GNG2: variants seen among roughly 807,000 people sequenced by gnomAD.
GNG2 encodes G protein subunit gamma 2, also known as guanine nucleotide-binding protein G(I)/G(S)/G(O) subunit gamma-2.
In GNG2, 5 loss-of-function variants were observed where a neutral mutation model predicts 5.5. That is an observed-to-expected ratio of 0.91 (90% CI 0.48 to 1.92). The LOEUF is 1.92. GNG2 is among the 30% of genes most tolerant of loss of function. The pLI is 0.01. For missense variants in GNG2, 55 were observed against 88.4 expected (o/e 0.62, Z 1.52); for synonymous variants, 28 against 32.0 (o/e 0.88, Z 0.42).
intron 2 of GNG2, among the ~76,000 whole-genome samples, chr14:51,941,562 C>T (rs1888319960): frequency 1.3e-5 from 2 of 152,122 alleles, no homozygotes; most frequent in Non-Finnish European, 2.9e-5. Flanking sequence ...CTGGATGCCA[C>T]CCTTGAAAAA....
At chr14:51,919,282 C>T (rs535603544) in intron 2 of GNG2, among the ~76,000 whole-genome samples, 1 of 152,194 alleles carries the variant, frequency 6.6e-6, no homozygotes, top group African/African-American at 2.4e-5. Flanking sequence ...AAAATCTTTT[C>T]TTTGTGGATA....
chr14:51,941,816 C>T (rs1235104062), intron 2 of GNG2, among the ~76,000 whole-genome samples: 3 of 152,168 alleles, frequency 2.0e-5, no homozygotes, highest in Admixed American at 2.0e-4. Context: ...CATAACAGGC[C>T]TATTTTTCAT....
intron 2 of GNG2, among the ~76,000 whole-genome samples, chr14:51,910,078 C>A (rs1466210576): frequency 6.6e-6 from 1 of 152,154 alleles, no homozygotes; most frequent in East Asian, 1.9e-4. Flanking sequence ...AATTGTGAAC[C>A]AAGACAGGCA....
At chr14:51,875,276 G>A (rs984152860) in intron 1 of GNG2, among the ~76,000 whole-genome samples, 1 of 152,210 alleles carries the variant, frequency 6.6e-6, no homozygotes, top group Non-Finnish European at 1.5e-5. Context: ...TTGTCACAAA[G>A]GCTCTGCTAT....
intron 2 of GNG2, among the ~76,000 whole-genome samples, chr14:51,942,383 G>C (rs1044801143): frequency 4.6e-5 from 7 of 151,762 alleles, no homozygotes; most frequent in Admixed American, 3.9e-4. Context: ...CTCCACTTCT[G>C]CACACTAACT....
intron 2 of GNG2, among the ~76,000 whole-genome samples, chr14:51,880,109 T>C (rs914234028): frequency 2.6e-5 from 4 of 152,214 alleles, no homozygotes; most frequent in African/African-American, 9.6e-5. Flanking sequence ...GTGTCTGGCA[T>C]TGGATCAAGG....
At chr14:51,921,943 A>G (rs1887037592) in intron 2 of GNG2, among the ~76,000 whole-genome samples, 1 of 152,242 alleles carries the variant, frequency 6.6e-6, no homozygotes, top group South Asian at 2.1e-4. Flanking sequence ...ATTTCTTAAT[A>G]CACCCAAATC....
At chr14:51,902,796 G>C (rs1257460889) in intron 2 of GNG2, among the ~76,000 whole-genome samples, 3 of 152,192 alleles carry the variant, frequency 2.0e-5, no homozygotes, top group African/African-American at 7.2e-5. Flanking sequence ...GCTGAGGTCA[G>C]AGGATCATTT....
Position 51,861,594 on chromosome 14 carries a change from T to C in GNG2, c.-71+804T>C, listed in dbSNP as rs17831385. On this transcript the variant is annotated intron_variant, in intron 1 of 3. Transcript: ENST00000556766. ...TGGGTTGTTTCCTTACGCGAATATC[T>C]GGTAGATAGACTGAAGTAGTAAAAC... Among the ~76,000 whole-genome samples, 834 of 152,166 alleles carry C rather than the reference T, an allele frequency of 5.5e-3. 9 individuals are homozygous for C. Among genetic ancestry groups the C allele is most frequent in the African/African-American group, 0.019 (805 of 41,492 alleles).
At chr14:51,912,614 AGGG>A (rs1449509224) in intron 2 of GNG2, among the ~76,000 whole-genome samples, 2 of 152,212 alleles carry the variant, frequency 1.3e-5, no homozygotes, top group Non-Finnish European at 2.9e-5. Context: ...AGAAGTGCCC[AGGG>A]GTAAAATTCC....
At chr14:51,937,100 A>G (rs1888051714) in intron 2 of GNG2, among the ~76,000 whole-genome samples, 1 of 152,150 alleles carries the variant, frequency 6.6e-6, no homozygotes, top group Non-Finnish European at 1.5e-5. Context: ...TTTATCTTTA[A>G]TGTCTTACAT....
chr14:51,844,127 C>T (rs974491348), intron 2 of GNG2, among the ~76,000 whole-genome samples: 3 of 152,246 alleles, frequency 2.0e-5, no homozygotes, highest in Non-Finnish European at 4.4e-5. Context: ...TGATTGAAGA[C>T]ATTCAATTTG....
At chr14:51,836,928 G>A (rs1372365799) in intron 2 of GNG2, among the ~76,000 whole-genome samples, 2 of 148,466 alleles carry the variant, frequency 1.3e-5, no homozygotes, top group African/African-American at 5.0e-5. Flanking sequence ...CATGATCTCG[G>A]CTCATTGTAA....
chr14:51,946,841 A>T (rs1888670011), intron 2 of GNG2, among the ~76,000 whole-genome samples: 2 of 152,308 alleles, frequency 1.3e-5, no homozygotes, highest in Non-Finnish European at 2.9e-5. Flanking sequence ...AGGAAAATAA[A>T]CACTTCTTTG....
chr14:51,918,961 G>T (rs948353332), intron 2 of GNG2, among the ~76,000 whole-genome samples: 8 of 152,114 alleles, frequency 5.3e-5, no homozygotes, highest in African/African-American at 1.9e-4. Flanking sequence ...GAGTAGCTGG[G>T]ATTACAGGCA....
intron 2 of GNG2, among the ~76,000 whole-genome samples, chr14:51,843,479 A>C (rs146776941): frequency 1.3e-5 from 2 of 152,284 alleles, no homozygotes; most frequent in African/African-American, 4.8e-5. Context: ...TGTAGGGCTT[A>C]AAACCTGGAT....
At chr14:51,912,385 A>G (rs1478630186) in intron 2 of GNG2, among the ~76,000 whole-genome samples, 2 of 152,138 alleles carry the variant, frequency 1.3e-5, no homozygotes, top group Non-Finnish European at 2.9e-5. Context: ...CCAGTGGCTC[A>G]GCCTAAATAC....
intron 3 of GNG2, among the ~76,000 whole-genome samples, chr14:51,954,259 T>C (rs1889148799): frequency 6.6e-6 from 1 of 152,188 alleles, no homozygotes; most frequent in African/African-American, 2.4e-5. Flanking sequence ...CCTCTTTGTA[T>C]TTCTTTGTTA....
intron 2 of GNG2, among the ~76,000 whole-genome samples, chr14:51,926,151 A>T (rs891054358): frequency 1.3e-5 from 2 of 152,096 alleles, no homozygotes; most frequent in Non-Finnish European, 2.9e-5. Context: ...TTAAAGAAAC[A>T]GTATTTAATA....
Sources: allele counts gnomAD v4.1 joint callset (sites outside exome capture counted in the v4.1 genomes callset), GRCh38; gene constraint gnomAD v4.1.1; transcripts MANE v1.5; gene names NCBI Gene and HGNC (gene_info 2026-07-23, HGNC 2026-07-21).